RBMS3: variants seen among roughly 807,000 people sequenced by gnomAD.
RBMS3 encodes the protein RNA binding motif single stranded interacting protein 3.
RBMS3 carries 27 observed loss-of-function variants against 66.8 expected under a neutral mutation model. The observed-to-expected ratio is 0.40, with a 90% CI of 0.30 to 0.56. The LOEUF (loss-of-function observed/expected upper bound fraction) is 0.56. RBMS3 is among the 20% of genes least tolerant of loss of function. The pLI is 0.40. For synonymous variants in RBMS3, 188 were observed against 183.0 expected (o/e 1.03, Z -0.22); for missense variants, 513 against 549.5 (o/e 0.93, Z 0.66).
chr3:29,493,194 C>G lies in RBMS3; in HGVS notation c.307+4695C>G, dbSNP rs116130205. 1.0e-2 allele frequency among the ~76,000 whole-genome samples: 1,519 copies of G among 152,046 alleles called. 16 individuals carry two copies. The highest frequency in any genetic ancestry group is 0.039 in the South Asian group (187 of 4,810). On this transcript the variant is annotated intron_variant, in intron 3 of 14. Coordinates refer to ENST00000383767, the MANE Select transcript of RBMS3 (RefSeq NM_001003793.3). ...GTCATAAAGACTAGATTATGCCAAGCCTAGAAAAATGTTTATTATATGAAG... is the reference window on the plus strand; with the variant it reads ...GTCATAAAGACTAGATTATGCCAAGGCTAGAAAAATGTTTATTATATGAAG...
At position 29,965,394 on chromosome 3, in the gene RBMS3, T is replaced by C. The variant is rs537226644; in HGVS notation, c.1098+21140T>C. ...GCACCCATACCAACAGCTACTGGTT[T>C]TTTTTATTTTTTGATTATGGCCATT... On this transcript the variant is annotated intron_variant, in intron 12 of 14. Transcript: ENST00000383767. Among the ~76,000 whole-genome samples, 4 of 152,238 alleles carry C rather than the reference T, an allele frequency of 2.6e-5. No individual in the cohort carries two copies. The South Asian group carries it at 8.3e-4, about 32-fold the overall frequency.
intron 1 of RBMS3, among the ~76,000 whole-genome samples, chr3:29,325,816 T>C (rs1246023905): frequency 6.6e-6 from 1 of 152,156 alleles, no homozygotes. Flanking sequence ...TTTCATACTA[T>C]TGGCCTAATC....
chr3:29,819,755 A>C (rs1222788998), intron 6 of RBMS3, among the ~76,000 whole-genome samples: 1 of 152,106 alleles, frequency 6.6e-6, no homozygotes, highest in Non-Finnish European at 1.5e-5. Flanking sequence ...TACTTATCAG[A>C]TTTTCTATGT....
At chr3:29,861,129 A>G (rs567729836) in intron 6 of RBMS3, among the ~76,000 whole-genome samples, 2 of 152,300 alleles carry the variant, frequency 1.3e-5, no homozygotes, top group Non-Finnish European at 2.9e-5. Context: ...TTCAATTGAG[A>G]AATAATTTAC....
intron 4 of RBMS3, among the ~76,000 whole-genome samples, chr3:29,667,806 G>A (rs1378584293): frequency 2.0e-5 from 3 of 152,056 alleles, no homozygotes; most frequent in Non-Finnish European, 4.4e-5. Flanking sequence ...GGAGATAAAA[G>A]AGTTTAAGTT....
At chr3:29,699,991 T>A (rs747046867) in intron 4 of RBMS3, among the ~76,000 whole-genome samples, 2 of 152,176 alleles carry the variant, frequency 1.3e-5, no homozygotes, top group Non-Finnish European at 2.9e-5. Context: ...ACAAAGGGAC[T>A]GGATTTGTCA....
intron 13 of RBMS3, 49 bp from the exon 14 acceptor site, chr3:29,991,033 C>T (rs767570929): frequency 6.4e-7 from 1 of 1,572,998 alleles, no homozygotes; most frequent in Admixed American, 1.7e-5. Flanking sequence ...CTAGAGAGGG[C>T]CCTTCACTGA....
intron 2 of RBMS3, among the ~76,000 whole-genome samples, chr3:29,446,955 C>T (rs981553302): frequency 1.5e-5 from 2 of 129,930 alleles, no homozygotes; most frequent in African/African-American, 2.8e-5. Context: ...ACTCTTGTTG[C>T]CCAGGCTGGA....
At chr3:29,743,325 A>C (rs1202308078) in intron 5 of RBMS3, among the ~76,000 whole-genome samples, 2 of 152,218 alleles carry the variant, frequency 1.3e-5, no homozygotes, top group Non-Finnish European at 2.9e-5. Flanking sequence ...TCTGAACCAC[A>C]AAACAGAGAT....
chr3:29,818,925 A>ACCCACATAACTAAAATGCAAAGAAGTGG (rs1191417765), intron 6 of RBMS3, among the ~76,000 whole-genome samples: 1 of 152,168 alleles, frequency 6.6e-6, no homozygotes, highest in Non-Finnish European at 1.5e-5. Flanking sequence ...TACTATGAAA[A>ACCCACATAACTAAAATGCAAAGAAGTGG]CCCACATAAC....
chr3:29,555,944 C>A (rs1333714454), intron 3 of RBMS3, among the ~76,000 whole-genome samples: 1 of 152,100 alleles, frequency 6.6e-6, no homozygotes, highest in Non-Finnish European at 1.5e-5. Context: ...CCTGCTACGG[C>A]TAAATCGAAT....
At chr3:29,954,543 C>G (rs1439681313) in intron 12 of RBMS3, among the ~76,000 whole-genome samples, 2 of 151,890 alleles carry the variant, frequency 1.3e-5, no homozygotes, top group Admixed American at 6.6e-5. Flanking sequence ...GGGTGAGAAC[C>G]ATATGATTTA....
rs187954235 is a variant in RBMS3 at position 29,418,905 on chromosome 3, G to A, written c.76-15838G>A. Among the ~76,000 whole-genome samples the A allele has an allele frequency of 3.3e-3, 506 of 152,220 alleles. 2 individuals carry two copies. Among genetic ancestry groups the A allele is most frequent in the Middle Eastern group, 0.014 (4 of 294 alleles). ...CCATTACTGCAAACCACAAGGAAAA[G>A]CAATCAAATTGATTACATTTATTGT... On this transcript the variant is annotated intron_variant, in intron 1 of 14. Transcript: ENST00000383767.
intron 6 of RBMS3, among the ~76,000 whole-genome samples, chr3:29,813,887 C>T (rs1380752696): frequency 6.6e-6 from 1 of 152,158 alleles, no homozygotes; most frequent in Non-Finnish European, 1.5e-5. Context: ...TGGGCTGAGA[C>T]AATGGGGTTT....
At chr3:29,613,737 A>T (rs1331276378) in intron 4 of RBMS3, among the ~76,000 whole-genome samples, 2 of 152,064 alleles carry the variant, frequency 1.3e-5, no homozygotes, top group South Asian at 2.1e-4. Context: ...CAGGTATATT[A>T]AAAAAATGCT....
At chr3:29,438,054 C>CTT (rs2041471485) in intron 2 of RBMS3, among the ~76,000 whole-genome samples, 1 of 151,796 alleles carries the variant, frequency 6.6e-6, no homozygotes, top group Admixed American at 6.6e-5. Context: ...CTCTCTCTCT[C>CTT]TCTCTCTCGT....
At chr3:29,478,863 G>GAAGT (rs1476141141) in intron 2 of RBMS3, among the ~76,000 whole-genome samples, 1 of 152,202 alleles carries the variant, frequency 6.6e-6, no homozygotes, top group East Asian at 1.9e-4. Context: ...TCTTTAGAAG[G>GAAGT]AAGTTCTAAC....
intron 12 of RBMS3, among the ~76,000 whole-genome samples, chr3:29,981,678 G>C (rs1416644342): frequency 6.6e-6 from 1 of 152,064 alleles, no homozygotes; most frequent in Non-Finnish European, 1.5e-5. Flanking sequence ...TGCATCTATC[G>C]AGATAATCAT....
At chr3:29,759,901 C>T (rs1344570831) in intron 5 of RBMS3, among the ~76,000 whole-genome samples, 1 of 152,064 alleles carries the variant, frequency 6.6e-6, no homozygotes, top group Non-Finnish European at 1.5e-5. Flanking sequence ...TGCAGCGTAA[C>T]ATGGTTTGAC....
Sources: gnomAD v4.1 joint callset for allele counts (sites outside exome capture counted in the v4.1 genomes callset) on GRCh38, gnomAD v4.1.1 for gene constraint, MANE v1.5 for transcripts, NCBI Gene and HGNC (gene_info 2026-07-23, HGNC 2026-07-21) for gene names.